The following RPS6KL1 variants were observed in gnomAD, a reference collection of about 807,000 sequenced individuals.
RPS6KL1 encodes the protein ribosomal protein S6 kinase-like 1.
A neutral mutation model predicts 57.0 loss-of-function variants in RPS6KL1; 41 were observed. The ratio of observed to expected loss-of-function variants is 0.72; its 90% CI spans 0.56 to 0.93. The LOEUF is 0.93. Ranked by LOEUF, RPS6KL1 falls within the 40% of genes least tolerant of loss-of-function variation. RPS6KL1 has a pLI of 0.00. For synonymous variants in RPS6KL1, 287 were observed against 309.7 expected (o/e 0.93, Z 0.77); for missense variants, 697 against 727.7 (o/e 0.96, Z 0.49).
Position 74,921,783 on chromosome 14 carries a change from T to C in RPS6KL1, c.-21+195A>G. The C allele has an allele frequency of 4.5e-6, 6 of 1,321,304 alleles. No homozygotes were observed. In the African/African-American group the frequency reaches 7.5e-5, roughly 16 times the overall value. The allele number at this position is 1,321,304 out of a possible 1,614,324, so 81.8% of individuals were successfully genotyped here. A position where few individuals can be genotyped will look rare whatever the true frequency, so the allele number is the denominator to read the frequency against. On this transcript the variant is annotated intron_variant, in intron 2 of 11. Coordinates refer to ENST00000557413, the MANE Select transcript of RPS6KL1 (RefSeq NM_031464.5). ...CAGGATTCTGTTTTCTTTTCTTTTT[T>C]TTTTTTTTTTTTGAGTCAGAGTCTC...
chr14:74,921,315 T>G lies in RPS6KL1; in HGVS notation c.227A>C (p.Tyr76Ser). Residue 76 changes from tyrosine to serine, a missense_variant, in exon 3 of 12, where the codon TAT (tyrosine) becomes TCT (serine). Physicochemically the swap from Tyr to Ser is moderately radical, Grantham distance 144. Coordinates refer to ENST00000557413, the MANE Select transcript of RPS6KL1 (RefSeq NM_031464.5). ...GAGCAGCACGTCCACGCCATTCTGA[T>G]AGTGGTTGAAGGCCGCCTCATAGTC... ...SEDYEAAFNHYQNGVDVLLRG... is the reference protein window; with the variant it reads ...SEDYEAAFNHSQNGVDVLLRG... 1 of 1,613,740 alleles carries G rather than the reference T, an allele frequency of 6.2e-7. No homozygotes were observed. Among genetic ancestry groups the G allele is most frequent in the South Asian group, 1.1e-5 (1 of 91,066 alleles).
rs769386703 is a variant in RPS6KL1 at position 74,908,906 on chromosome 14, C to G, written c.1387G>C (p.Glu463Gln). 4 of 1,613,878 alleles carry G rather than the reference C, an allele frequency of 2.5e-6. No individual in the cohort carries two copies. ...CCAAAGCTCCACCAGTCACAGGCTT[C>G]CGTCAGCTCGGAAATCCCACCCACC... The part of the protein sequence containing the change: ...PEVGGISELT[E>Q]ACDWWSFGSL... Residue 463 changes from glutamate to glutamine, a missense_variant, in exon 10 of 12, where the codon GAA (glutamate) becomes CAA (glutamine). Glu to Gln is a conservative substitution (Grantham distance 29). Transcript: ENST00000557413.
At position 74,913,934 on chromosome 14, in the gene RPS6KL1, G is replaced by T. The variant is rs539346714; in HGVS notation, c.484-2093C>A. The stretch of plus-strand genomic sequence containing the variant: ...TGCCAAAATTCAGGCCTGAGCCTCA[G>T]AGAGGTTATGTTGCCTACTGTCCCA... On this transcript the variant is annotated intron_variant, in intron 5 of 11. Transcript: ENST00000557413. Among the ~76,000 whole-genome samples, 3 of 152,318 alleles carry T rather than the reference G, an allele frequency of 2.0e-5. No individual in the cohort carries two copies. The East Asian group carries it at 5.8e-4, about 29-fold the overall frequency.
intron 5 of RPS6KL1, among the ~76,000 whole-genome samples, 158 bp from the exon 6 acceptor site, chr14:74,911,999 G>A (rs1886090035): frequency 2.0e-5 from 3 of 152,054 alleles, no homozygotes; most frequent in South Asian, 4.2e-4. Context: ...AGCAGACATC[G>A]ATCCTATCCT....
chr14:74,909,160 C>T lies in RPS6KL1; in HGVS notation c.1301G>A (p.Trp434Ter). The change falls in exon 9 of 12, where the codon TGG (tryptophan) becomes TAG (stop). Residue 434 changes from tryptophan (W) to a stop codon, truncating the protein, a stop_gained. Transcript: ENST00000557413. LOFTEE classifies it high-confidence loss of function. ...GCAGCACTGGGGCTCCACCTCTGAC[C>T]ACTGGCCAAAATATGTGAGCCGGAT... Reference protein sequence around the residue: ...GHIRLTYFGQWSEVEPQCCGE... With the variant: ...GHIRLTYFGQ 6.2e-7 allele frequency: 1 copy of T among 1,614,212 alleles called. No homozygotes were observed. The highest frequency in any genetic ancestry group is 1.3e-5 in the African/African-American group (1 of 75,064).
chr14:74,921,276 C>A lies in RPS6KL1; in HGVS notation c.265+1G>T. On this transcript the variant is annotated splice_donor_variant, in intron 3 of 11. Coordinates refer to ENST00000557413, the MANE Select transcript of RPS6KL1 (RefSeq NM_031464.5). LOFTEE classifies it high-confidence loss of function. ...CAGCCCTGCCCAGCCCCGGTCCTCA[C>A]CGTGTATGCCACGGAGCAGCACGTC... 6.3e-7 allele frequency: 1 copy of A among 1,583,782 alleles called. No homozygotes were observed.
In RPS6KL1 at chr14:74,921,298, C is replaced by T. The variant is rs201453315; in HGVS notation, c.244G>A (p.Val82Met). 87 of 1,614,012 alleles carry T rather than the reference C, an allele frequency of 5.4e-5. 1 individual carries two copies. The East Asian group carries it at 1.4e-3, about 26-fold the overall frequency. ...TCACCGTGTATGCCACGGAGCAGCA[C>T]GTCCACGCCATTCTGATAGTGGTTG... Reference protein sequence around the residue: ...AFNHYQNGVDVLLRGIHVDPN... With the variant: ...AFNHYQNGVDMLLRGIHVDPN... The change falls in exon 3 of 12, where the codon GTG becomes ATG. Residue 82 changes from valine to methionine, a missense_variant. Transcript: ENST00000557413.
At chr14:74,919,323 C>T (rs537525035) in intron 4 of RPS6KL1, among the ~76,000 whole-genome samples, 21 of 152,354 alleles carry the variant, frequency 1.4e-4, no homozygotes, top group African/African-American at 4.6e-4. Flanking sequence ...CGTGAGTACG[C>T]GCAACCGTGG....
At chr14:74,916,696 T>A (rs1246735052) in intron 5 of RPS6KL1, among the ~76,000 whole-genome samples, 1 of 148,736 alleles carries the variant, frequency 6.7e-6, no homozygotes, top group East Asian at 2.0e-4. Flanking sequence ...AAAAAAAAAA[T>A]GGTTGGGCTT....
At chr14:74,910,593 T>G (rs1885759708) in intron 7 of RPS6KL1, 2 of 157,770 alleles carry the variant, frequency 1.3e-5, no homozygotes, top group Admixed American at 1.2e-4. Context: ...CCAGTTCCTG[T>G]CCTCATAACT....
In RPS6KL1 at chr14:74,909,693, C is replaced by T. The variant is rs756024731; in HGVS notation, c.1120G>A (p.Gly374Ser). Residue 374 changes from glycine to serine, a missense_variant, in exon 8 of 12, where the codon GGC becomes AGC. Transcript: ENST00000557413. ...CAGGTGGCCCTGCCACAGCCCCGGC[C>T]GGCCCCATCTGCTGACAGGCAGCTC... The part of the protein sequence containing the change: ...DQSCLSADGA[G>S]RGCGRATWSV... 8.1e-6 allele frequency: 13 copies of T among 1,609,056 alleles called. No homozygotes were observed. The highest frequency in any genetic ancestry group is 5.5e-5 in the South Asian group (5 of 91,082).
Position 74,911,923 on chromosome 14 carries a change from T to A in RPS6KL1, c.484-82A>T. ...ACCCCAGCCTGACCCCCTCCCAGGT[T>A]CCTCCACTGAGGCTGACTCACTCCA... is the stretch of plus-strand genomic sequence containing the variant. On this transcript the variant is annotated intron_variant, in intron 5 of 11. Coordinates refer to ENST00000557413, the MANE Select transcript of RPS6KL1 (RefSeq NM_031464.5). The A allele has an allele frequency of 8.0e-6, 10 of 1,245,790 alleles. 1 individual carries two copies. The South Asian group carries it at 1.3e-4, about 16-fold the overall frequency. 77.2% of individuals were successfully genotyped at this position (1,245,790 alleles called of 1,614,324 possible). A position where few individuals can be genotyped will look rare whatever the true frequency, so the allele number is the denominator to read the frequency against.
rs114404715 is a variant in RPS6KL1 at position 74,909,391 on chromosome 14, G to A, written c.1270+152C>T. ...CCCACAGGGTACTCCCAGGAGCCTCGGCCAACAGACTCCAGCCTAGGCCCC... is the reference window on the plus strand; with the variant it reads ...CCCACAGGGTACTCCCAGGAGCCTCAGCCAACAGACTCCAGCCTAGGCCCC... On this transcript the variant is annotated intron_variant, in intron 8 of 11. Coordinates refer to ENST00000557413, the MANE Select transcript of RPS6KL1 (RefSeq NM_031464.5). The A allele has an allele frequency of 2.3e-3, 2,606 of 1,127,960 alleles. 45 individuals are homozygous for A. The African/African-American group carries it at 0.036, about 16-fold the overall frequency. 69.9% of individuals were successfully genotyped at this position (1,127,960 alleles called of 1,614,324 possible).
At chr14:74,918,835 C>G (rs1887306343) in intron 4 of RPS6KL1, among the ~76,000 whole-genome samples, 1 of 152,328 alleles carries the variant, frequency 6.6e-6, no homozygotes, top group East Asian at 1.9e-4. Context: ...CTGCTGAGCC[C>G]GTCCAAGGCC....
At position 74,921,238 on chromosome 14, in the gene RPS6KL1, T is replaced by TTGCCCCCCCCCC; in HGVS notation, c.265+38_265+39insGGGGGGGGGGCA. On this transcript the variant is annotated intron_variant, in intron 3 of 11. Transcript: ENST00000557413. ...ACAGGAAGAGCCCTGCACTGGCCCT[T>TTGCCCCCCCCCC]CCCCACCCACCCCAGCCCTGCCCAG... The TTGCCCCCCCCCC allele has an allele frequency of 8.3e-6, 7 of 840,164 alleles. 1 individual carries two copies. Among genetic ancestry groups the TTGCCCCCCCCCC allele is most frequent in the Non-Finnish European group, 1.4e-5 (7 of 489,720 alleles). 52.0% of individuals were successfully genotyped at this position (840,164 alleles called of 1,614,324 possible). A position where few individuals can be genotyped will look rare whatever the true frequency, so the allele number is the denominator to read the frequency against.
In RPS6KL1 at chr14:74,921,267, C is replaced by T. The variant is rs927502328; in HGVS notation, c.265+10G>A. Reference sequence around the variant, plus strand: ...CACCCACCCCAGCCCTGCCCAGCCCCGGTCCTCACCGTGTATGCCACGGAG... The same window carrying T: ...CACCCACCCCAGCCCTGCCCAGCCCTGGTCCTCACCGTGTATGCCACGGAG... On this transcript the variant is annotated intron_variant, in intron 3 of 11. Coordinates refer to ENST00000557413, the MANE Select transcript of RPS6KL1 (RefSeq NM_031464.5). 19 of 1,605,620 alleles carry T rather than the reference C, an allele frequency of 1.2e-5. No homozygotes were observed. Among genetic ancestry groups the T allele is most frequent in the African/African-American group, 2.7e-5 (2 of 74,756 alleles).
intron 2 of RPS6KL1, 85 bp from the exon 3 acceptor site, chr14:74,921,646 G>C: frequency 6.7e-7 from 1 of 1,489,568 alleles, no homozygotes; most frequent in Non-Finnish European, 8.9e-7. Flanking sequence ...GAATGTCAGG[G>C]AGACTCATAT....
Position 74,909,776 on chromosome 14 carries a change from G to A in RPS6KL1, c.1037C>T (p.Thr346Ile). Residue 346 changes from threonine (T) to isoleucine (I), a missense_variant, in exon 8 of 12, where the codon ACT (threonine) becomes ATT (isoleucine). Thr to Ile is a moderately conservative substitution (Grantham distance 89). Transcript: ENST00000557413. ...CGGGCCGGCCCCCTCAGGAACCCAA[G>A]TGAGCCCCCGAGGGGGCCCAGCGTC... ...NSDAGPPRGLTWVPEGAGPVL... is the reference protein window; with the variant it reads ...NSDAGPPRGLIWVPEGAGPVL... 1 of 1,606,620 alleles carries A rather than the reference G, an allele frequency of 6.2e-7. No homozygotes were observed. Among genetic ancestry groups the A allele is most frequent in the Non-Finnish European group, 8.5e-7 (1 of 1,177,322 alleles).
chr14:74,912,864 G>A (rs1003420567), intron 5 of RPS6KL1, among the ~76,000 whole-genome samples: 1 of 152,256 alleles, frequency 6.6e-6, no homozygotes, highest in African/African-American at 2.4e-5. Context: ...TCAGGGCCAT[G>A]TTTGGAGTTG....
Sources: allele counts gnomAD v4.1 joint callset (sites outside exome capture counted in the v4.1 genomes callset), GRCh38; gene constraint gnomAD v4.1.1; transcripts MANE v1.5; gene names NCBI Gene and HGNC (gene_info 2026-07-23, HGNC 2026-07-21).